CAND1: variants seen among roughly 807,000 people sequenced by gnomAD.
The protein encoded by CAND1 is cullin associated and neddylation dissociated 1, also known as cullin-associated NEDD8-dissociated protein 1.
A neutral mutation model predicts 108.5 loss-of-function variants in CAND1; 7 were observed. The ratio of observed to expected loss-of-function variants is 0.06; its 90% CI spans 0.04 to 0.12. The LOEUF is 0.12. CAND1 is among the 10% of genes least tolerant of loss of function. The pLI is 1.00. For missense variants in CAND1, 941 were observed against 1,448.7 expected, an observed-to-expected ratio of 0.65 and a Z score of 5.69; for synonymous variants, 534 against 512.0, an observed-to-expected ratio of 1.04 and a Z score of -0.58.
At chr12:67,272,218 G>A (rs969281034) in intron 1 of CAND1, among the ~76,000 whole-genome samples, 1 of 152,202 alleles carries the variant, frequency 6.6e-6, no homozygotes, top group Non-Finnish European at 1.5e-5. Context: ...CCAAAATGAA[G>A]AGCAAATTTT....
chr12:67,278,922 T>C (rs2044594803), intron 1 of CAND1, among the ~76,000 whole-genome samples: 1 of 152,168 alleles, frequency 6.6e-6, no homozygotes, highest in Non-Finnish European at 1.5e-5. Context: ...TAATATGCCT[T>C]TTACTAGACT....
Position 67,297,748 on chromosome 12 carries a change from G to A in CAND1, c.749G>A (p.Gly250Asp), listed in dbSNP as rs1039068103. The A allele has an allele frequency of 1.2e-6, 2 of 1,600,174 alleles. No homozygotes were observed. Among genetic ancestry groups the A allele is most frequent in the South Asian group, 1.1e-5 (1 of 88,772 alleles). The change falls in exon 6 of 15, where the codon GGT becomes GAT. Residue 250 changes from glycine (G) to aspartate (D), a missense_variant and splice_region_variant. Physicochemically the swap from Gly to Asp is moderately conservative, Grantham distance 94. Transcript: ENST00000545606. Reference sequence around the variant, plus strand: ...TAAAGAACCATTATGCTTTTCTTAGGTGAATACCTTGAGAAGATAATTCCT... The same window carrying A: ...TAAAGAACCATTATGCTTTTCTTAGATGAATACCTTGAGAAGATAATTCCT... ...AISRQAGHRI[G>D]EYLEKIIPLV...
chr12:67,282,307 G>T (rs906522585), intron 2 of CAND1: 17 of 301,782 alleles, frequency 5.6e-5, no homozygotes, highest in Non-Finnish European at 1.0e-4. Context: ...AAAAACAATG[G>T]TTCTCTCATT....
intron 3 of CAND1, among the ~76,000 whole-genome samples, chr12:67,294,066 A>G (rs576145738): frequency 6.6e-6 from 1 of 152,210 alleles, no homozygotes; most frequent in African/African-American, 2.4e-5. Flanking sequence ...CCTTTATTAA[A>G]TAGTTACTTA....
At position 67,314,096 on chromosome 12, in the gene CAND1, C is replaced by G. The variant is rs775231941; in HGVS notation, c.*1266C>G. The G allele has an allele frequency of 1.3e-5, 2 of 152,174 alleles. No individual in the cohort carries two copies. The allele number at this position is 152,174 out of a possible 1,614,324, so 9.4% of individuals were successfully genotyped here. The stretch of plus-strand genomic sequence containing the variant: ...AGCCTCTTCCTTAAAATTTGTGGTG[C>G]TCCTGTAACAGTAAGAACTAATTCT... On this transcript the variant is annotated 3_prime_UTR_variant, in exon 15 of 15. Transcript: ENST00000545606.
At chr12:67,299,628 C>T (rs1036144938) in intron 7 of CAND1, among the ~76,000 whole-genome samples, 12 of 152,058 alleles carry the variant, frequency 7.9e-5, no homozygotes, top group African/African-American at 2.4e-4. Context: ...AAATACTGTT[C>T]GAGGCCCCAT....
intron 1 of CAND1, among the ~76,000 whole-genome samples, chr12:67,278,093 G>C (rs950011715): frequency 7.2e-5 from 11 of 152,064 alleles, no homozygotes; most frequent in Non-Finnish European, 1.6e-4. Flanking sequence ...CCTGGCCCTT[G>C]CTTACCTGGC....
At chr12:67,307,143 C>T (rs894530960) in intron 10 of CAND1, among the ~76,000 whole-genome samples, 6 of 151,928 alleles carry the variant, frequency 3.9e-5, no homozygotes, top group East Asian at 1.9e-4. Context: ...AGGGCGAGAT[C>T]GTCCACTGCT....
At chr12:67,304,865 AG>A in intron 9 of CAND1, 119 bp downstream of exon 9, 1 of 1,204,680 alleles carries the variant, frequency 8.3e-7, no homozygotes, top group Non-Finnish European at 1.2e-6. Flanking sequence ...ATATGCACAT[AG>A]AGCTAACTTT....
intron 1 of CAND1, chr12:67,270,164 C>T (rs964081868): frequency 5.3e-6 from 1 of 188,664 alleles, no homozygotes; most frequent in African/African-American, 2.3e-5. Context: ...GGCGCCGGGC[C>T]TATTCGCTTG....
intron 14 of CAND1, among the ~76,000 whole-genome samples, chr12:67,312,226 C>T (rs1046367294): frequency 1.3e-5 from 2 of 151,432 alleles, no homozygotes; most frequent in African/African-American, 4.9e-5. Flanking sequence ...CTGGAGATGT[C>T]ATCATATGGT....
rs1565730571 is a variant in CAND1, at chr12:67,310,257, G to A, written c.3301G>A (p.Asp1101Asn). ...TLLDSCLDRLDIFEFLNHVED... is the reference protein window; with the variant it reads ...TLLDSCLDRLNIFEFLNHVED... The stretch of plus-strand genomic sequence containing the variant: ...TCTAGACAGTTGTCTTGATAGACTT[G>A]ATATCTTTGAATTTCTAAATCATGT... Residue 1101 changes from aspartate (D) to asparagine (N), a missense_variant, in exon 13 of 15, where the codon GAT becomes AAT. Around this residue, in one of 9 missense-constraint regions of CAND1, gnomAD observed 14 missense variants for 16.2 expected, o/e 0.87. Transcript: ENST00000545606. 3.7e-6 allele frequency: 6 copies of A among 1,611,332 alleles called. No homozygotes were observed. The highest frequency in any genetic ancestry group is 1.7e-5 in the Admixed American group (1 of 59,938).
At chr12:67,288,502 T>G (rs963709521) in intron 2 of CAND1, among the ~76,000 whole-genome samples, 1 of 152,198 alleles carries the variant, frequency 6.6e-6, no homozygotes, top group Non-Finnish European at 1.5e-5. Context: ...TATGTATTAC[T>G]TTTCCCTATA....
At position 67,312,734 on chromosome 12, in the gene CAND1, G is replaced by C; in HGVS notation, c.3597G>C (p.Gln1199His). The change falls in exon 15 of 15, where the codon CAG becomes CAC. Residue 1199 changes from glutamine (Q) to histidine (H), a missense_variant. By Grantham distance (24) the Gln-to-His change is conservative (BLOSUM62 0). Around this residue, in one of 9 missense-constraint regions of CAND1, gnomAD observed 39 missense variants for 51.3 expected, o/e 0.76. Coordinates refer to ENST00000545606, the MANE Select transcript of CAND1 (RefSeq NM_018448.5). ...AGAGTCCACTGATGAGTGAATTCCA[G>C]TCACAGATCAGTTCTAACCCTGAGC... Reference protein sequence around the residue: ...AEKSPLMSEFQSQISSNPELA... With the variant: ...AEKSPLMSEFHSQISSNPELA... The C allele has an allele frequency of 1.9e-6, 3 of 1,613,782 alleles. No individual in the cohort carries two copies. Among genetic ancestry groups the C allele is most frequent in the Non-Finnish European group, 2.5e-6 (3 of 1,179,734 alleles).
intron 9 of CAND1, 148 bp from the exon 10 acceptor site, chr12:67,304,956 G>C: frequency 1.2e-6 from 1 of 865,068 alleles, no homozygotes; most frequent in Non-Finnish European, 1.7e-6. Flanking sequence ...ATATTTGGCT[G>C]TAATATTTAT....
chr12:67,279,701 C>G lies in CAND1; in HGVS notation c.69-2209C>G, dbSNP rs1396126117. Among the ~76,000 whole-genome samples the G allele has an allele frequency of 2.6e-5, 4 of 152,138 alleles. No individual in the cohort carries two copies. In the East Asian group the frequency reaches 5.8e-4, roughly 22 times the overall value. ...GGGCCAAAGTGTATTCAACTTTTAT[C>G]TGTCCTGATTTCTTAGTCCAGAGTT... On this transcript the variant is annotated intron_variant, in intron 1 of 14. Coordinates refer to ENST00000545606, the MANE Select transcript of CAND1 (RefSeq NM_018448.5).
At chr12:67,291,318 A>G (rs544083667) in intron 2 of CAND1, among the ~76,000 whole-genome samples, 123 of 152,328 alleles carry the variant, frequency 8.1e-4, no homozygotes, top group Middle Eastern at 3.4e-3. Flanking sequence ...TATGCTTTTA[A>G]CATTTAGACA....
intron 3 of CAND1, among the ~76,000 whole-genome samples, chr12:67,294,797 C>T (rs2044753644): frequency 6.6e-6 from 1 of 152,134 alleles, no homozygotes; most frequent in African/African-American, 2.4e-5. Context: ...TCCCACAGAT[C>T]TCCTGTGTCT....
chr12:67,295,027 A>T lies in CAND1; in HGVS notation c.368-6A>T, dbSNP rs757816185. The T allele has an allele frequency of 6.2e-7, 1 of 1,608,300 alleles. No individual in the cohort carries two copies. The highest frequency in any genetic ancestry group is 1.3e-5 in the African/African-American group (1 of 74,778). Reference sequence around the variant, plus strand: ...TGAAATTATTATTGGCTTCTTATTCATGCAGGCTCTGCATTAGCTGCTAAT... The same window carrying T: ...TGAAATTATTATTGGCTTCTTATTCTTGCAGGCTCTGCATTAGCTGCTAAT... On this transcript the variant is annotated splice_region_variant and splice_polypyrimidine_tract_variant and intron_variant, in intron 3 of 14. Coordinates refer to ENST00000545606, the MANE Select transcript of CAND1 (RefSeq NM_018448.5).
Sources: gnomAD v4.1 joint callset for allele counts (sites outside exome capture counted in the v4.1 genomes callset) on GRCh38, gnomAD v4.1.1 for gene constraint, gnomAD v4.1.1 regional missense constraint, MANE v1.5 for transcripts, NCBI Gene and HGNC (gene_info 2026-07-23, HGNC 2026-07-21) for gene names.